The following METTL24 variants were observed in gnomAD, a reference collection of about 807,000 sequenced individuals.
METTL24 encodes the protein probable methyltransferase-like protein 24.
A neutral mutation model predicts 32.7 loss-of-function variants in METTL24; 29 were observed. The observed-to-expected ratio is 0.89, with a 90% confidence interval of 0.66 to 1.21. The LOEUF is 1.21. Among genes scored for constraint, METTL24 ranks in the 50% most tolerant of loss-of-function variants. The pLI, the probability that METTL24 is intolerant of heterozygous loss-of-function variation, is 0.00. For synonymous variants in METTL24, 163 were observed against 179.5 expected (o/e 0.91, Z 0.73); for missense variants, 439 against 468.1 (o/e 0.94, Z 0.57).
At chr6:110,261,317 C>T (rs1333521884) in intron 4 of METTL24, among the ~76,000 whole-genome samples, 7 of 152,108 alleles carry the variant, frequency 4.6e-5, no homozygotes, top group African/African-American at 1.7e-4. Flanking sequence ...GGTTGCAATC[C>T]TAGTCTCTGA....
At chr6:110,323,971 T>C (rs1482907322) in intron 1 of METTL24, among the ~76,000 whole-genome samples, 1 of 152,128 alleles carries the variant, frequency 6.6e-6, no homozygotes, top group African/African-American at 2.4e-5. Context: ...TGGTGGGAAC[T>C]CTCAGCACCC....
At chr6:110,357,889 G>T in intron 1 of METTL24, 66 bp downstream of exon 1, 1 of 967,272 alleles carries the variant, frequency 1.0e-6, no homozygotes, top group Non-Finnish European at 1.3e-6. Flanking sequence ...TGAGCGCCGG[G>T]CTCCGTAGCG....
intron 4 of METTL24, among the ~76,000 whole-genome samples, chr6:110,247,925 G>A (rs1778198890): frequency 6.6e-6 from 1 of 152,134 alleles, no homozygotes. Flanking sequence ...GATACTCAAT[G>A]TTGGAAGTGG....
chr6:110,340,270 G>A (rs1772328730), intron 1 of METTL24, among the ~76,000 whole-genome samples: 1 of 152,252 alleles, frequency 6.6e-6, no homozygotes, highest in South Asian at 2.1e-4. Context: ...GACTCTAGGG[G>A]CTGTTGTCCA....
intron 1 of METTL24, among the ~76,000 whole-genome samples, chr6:110,328,677 CA>C (rs530971275): frequency 9.2e-5 from 14 of 151,754 alleles, no homozygotes; most frequent in Middle Eastern, 3.4e-3. Flanking sequence ...AAGATAATGC[CA>C]AAAAAAGGGA....
chr6:110,309,861 G>A (rs1771687331), intron 3 of METTL24, among the ~76,000 whole-genome samples: 1 of 120,776 alleles, frequency 8.3e-6, no homozygotes, highest in Non-Finnish European at 1.6e-5. Context: ...ATTCTTAGGA[G>A]CAAAAAAAAC....
chr6:110,330,315 T>G (rs902554743), intron 1 of METTL24, among the ~76,000 whole-genome samples: 1 of 152,158 alleles, frequency 6.6e-6, no homozygotes, highest in Non-Finnish European at 1.5e-5. Flanking sequence ...GAATCCTCAT[T>G]GACTATGTCT....
At chr6:110,291,406 C>T (rs2114725380) in intron 4 of METTL24, among the ~76,000 whole-genome samples, 1 of 152,064 alleles carries the variant, frequency 6.6e-6, no homozygotes, top group South Asian at 2.1e-4. Flanking sequence ...TACTTTTTTC[C>T]CATACAGATA....
chr6:110,267,633 G>A (rs1176280116), intron 4 of METTL24, among the ~76,000 whole-genome samples: 1 of 141,676 alleles, frequency 7.1e-6, no homozygotes, highest in Non-Finnish European at 1.5e-5. Flanking sequence ...ACAACTAATA[G>A]CTAACTTTAA....
chr6:110,285,445 G>C (rs1771204082), intron 4 of METTL24, among the ~76,000 whole-genome samples: 1 of 152,038 alleles, frequency 6.6e-6, no homozygotes, highest in African/African-American at 2.4e-5. Flanking sequence ...CAAGCACCTA[G>C]AGCCTGTTTC....
At chr6:110,289,298 G>GA (rs2114723780) in intron 4 of METTL24, among the ~76,000 whole-genome samples, 1 of 152,238 alleles carries the variant, frequency 6.6e-6, no homozygotes. Flanking sequence ...TAATTTTATT[G>GA]AAAAATCTGA....
intron 4 of METTL24, among the ~76,000 whole-genome samples, chr6:110,287,913 C>T (rs1057471097): frequency 1.3e-5 from 2 of 152,174 alleles, no homozygotes; most frequent in Non-Finnish European, 2.9e-5. Context: ...CTCAGGCATG[C>T]CTGGACCTTG....
At chr6:110,261,136 T>A (rs916516314) in intron 4 of METTL24, among the ~76,000 whole-genome samples, 1 of 152,188 alleles carries the variant, frequency 6.6e-6, no homozygotes, top group African/African-American at 2.4e-5. Flanking sequence ...TAAATGTAAA[T>A]GGACTAAACG....
At chr6:110,277,409 T>A (rs187831674) in intron 4 of METTL24, among the ~76,000 whole-genome samples, 1 of 152,284 alleles carries the variant, frequency 6.6e-6, no homozygotes, top group African/African-American at 2.4e-5. Context: ...CAGAGGAAGC[T>A]GAAACCAAAA....
At chr6:110,322,232 GC>G (rs1771941995) in intron 2 of METTL24, among the ~76,000 whole-genome samples, 1 of 152,142 alleles carries the variant, frequency 6.6e-6, no homozygotes, top group Admixed American at 6.5e-5. Flanking sequence ...ACTAATAAAG[GC>G]CCGTGCTCAG....
At chr6:110,262,386 C>G (rs948045389) in intron 4 of METTL24, among the ~76,000 whole-genome samples, 4 of 152,026 alleles carry the variant, frequency 2.6e-5, no homozygotes, top group African/African-American at 7.2e-5. Context: ...ATAAATTCCT[C>G]GACACATACA....
chr6:110,291,916 C>G (rs1185470174), intron 4 of METTL24, among the ~76,000 whole-genome samples: 2 of 152,206 alleles, frequency 1.3e-5, no homozygotes, highest in African/African-American at 4.8e-5. Context: ...ATCTTGATTG[C>G]TATCCCTTAC....
Position 110,306,146 on chromosome 6 carries a change from G to A in METTL24, c.558-6996C>T, listed in dbSNP as rs1771623846. On this transcript the variant is annotated intron_variant, in intron 3 of 4. Coordinates refer to ENST00000338882, the MANE Select transcript of METTL24 (RefSeq NM_001123364.3). Reference sequence around the variant, plus strand: ...ACAGGGAGGGAAACATCACACACCAGGGCCTGTTGGGGGGTGGGGGGCAAG... The same window carrying A: ...ACAGGGAGGGAAACATCACACACCAAGGCCTGTTGGGGGGTGGGGGGCAAG... 2.6e-5 allele frequency among the ~76,000 whole-genome samples: 4 copies of A among 151,750 alleles called. No individual in the cohort carries two copies. In the East Asian group the frequency reaches 5.8e-4, roughly 22 times the overall value.
intron 1 of METTL24, among the ~76,000 whole-genome samples, chr6:110,334,180 GC>G (rs1262524778): frequency 2.0e-5 from 3 of 152,046 alleles, no homozygotes; most frequent in Non-Finnish European, 1.5e-5. Flanking sequence ...CAACCCGGGG[GC>G]CCACAGGGCT....
Sources: allele counts gnomAD v4.1 joint callset (sites outside exome capture counted in the v4.1 genomes callset), GRCh38; gene constraint gnomAD v4.1.1; transcripts MANE v1.5; gene names NCBI Gene and HGNC (gene_info 2026-07-23, HGNC 2026-07-21).